Variants in SIPA1L2 observed in about 807,000 individuals in gnomAD.
SIPA1L2 encodes the protein signal-induced proliferation-associated 1-like protein 2.
In SIPA1L2, 56 loss-of-function variants were observed where a neutral mutation model predicts 163.9. The ratio of observed to expected loss-of-function variants is 0.34; its 90% CI spans 0.28 to 0.43. The LOEUF is 0.43. Ranked by LOEUF, SIPA1L2 falls within the 20% of genes least tolerant of loss-of-function variation. The pLI, the probability that SIPA1L2 is intolerant of heterozygous loss-of-function variation, is 1.00. For missense variants in SIPA1L2, 1,974 were observed against 2,193.5 expected (o/e 0.90, Z 2.00); for synonymous variants, 877 against 865.7 (o/e 1.01, Z -0.23).
intron 3 of SIPA1L2, among the ~76,000 whole-genome samples, chr1:232,504,097 G>A: frequency 6.6e-6 from 1 of 152,122 alleles, no homozygotes; most frequent in East Asian, 1.9e-4. Context: ...AGCTACTCAG[G>A]AGGCTGAGGC....
chr1:232,521,172 T>C (rs536528832), intron 2 of SIPA1L2, among the ~76,000 whole-genome samples: 3 of 152,310 alleles, frequency 2.0e-5, no homozygotes, highest in South Asian at 2.1e-4. Context: ...AATTCTCCTC[T>C]TTGGGGTTTT....
rs1446252340 is a variant in SIPA1L2 at position 232,629,893 on chromosome 1, C to A, written c.-343G>T. Among the ~76,000 whole-genome samples, 3 of 151,734 alleles carry A rather than the reference C, an allele frequency of 2.0e-5. No individual in the cohort carries two copies. The highest frequency in any genetic ancestry group is 7.2e-5 in the African/African-American group (3 of 41,414). On this transcript the variant is annotated 5_prime_UTR_variant, in exon 1 of 23. It adds an upstream start codon to the 5' untranslated region. Transcript: ENST00000674635. ...CCTTCGCAACGCCGTCCGCCGGAAC[C>A]TGCTACAGCCTGTGCGCGCCGGGCG...
chr1:232,583,018 C>G lies in SIPA1L2; in HGVS notation c.-318-8796G>C, dbSNP rs370336458. Among the ~76,000 whole-genome samples, 76 of 152,290 alleles carry G rather than the reference C, an allele frequency of 5.0e-4. 1 individual carries two copies. Among genetic ancestry groups the G allele is most frequent in the African/African-American group, 6.3e-4 (26 of 41,572 alleles). On this transcript the variant is annotated intron_variant, in intron 1 of 22. Transcript: ENST00000674635. The stretch of plus-strand genomic sequence containing the variant: ...ACAAAGCGCAAATTTCTAGTCAAGG[C>G]AACCAGGCCACTAGCAATATCTCCT...
chr1:232,466,823 AC>A (rs1319928050), intron 8 of SIPA1L2, among the ~76,000 whole-genome samples: 1 of 152,080 alleles, frequency 6.6e-6, no homozygotes, highest in African/African-American at 2.4e-5. Context: ...AAACAAAAAA[AC>A]AAAGGAAAGA....
At chr1:232,584,190 C>A (rs890235014) in intron 1 of SIPA1L2, among the ~76,000 whole-genome samples, 4 of 152,182 alleles carry the variant, frequency 2.6e-5, no homozygotes, top group African/African-American at 9.7e-5. Flanking sequence ...CTGGGCTTCC[C>A]CATTCAGTCG....
rs768435977 is a variant in SIPA1L2, at chr1:232,465,038, G to A, written c.2622C>T (p.Leu874=). Residue 874 remains leucine (L), a synonymous_variant, in exon 9 of 23, where the codon CTC becomes CTT. Coordinates refer to ENST00000674635, the MANE Select transcript of SIPA1L2 (RefSeq NM_020808.5). This position sits in a 1 kb window ranked among gnomAD's most constrained non-coding sequence, Gnocchi z 4.1. ...FGQSADIECL[L]GISNEFIMLI... ...ACATGATGAACTCATTGGAGATCCCGAGAAGACATTCAATGTCAGCAGACT... is the reference window on the plus strand; with the variant it reads ...ACATGATGAACTCATTGGAGATCCCAAGAAGACATTCAATGTCAGCAGACT... 93 of 1,614,010 alleles carry A rather than the reference G, an allele frequency of 5.8e-5. 1 individual carries two copies. Among genetic ancestry groups the A allele is most frequent in the South Asian group, 4.8e-4 (44 of 91,082 alleles).
chr1:232,605,008 T>C (rs1205998976), intron 1 of SIPA1L2, among the ~76,000 whole-genome samples: 1 of 152,214 alleles, frequency 6.6e-6, no homozygotes, highest in Non-Finnish European at 1.5e-5. Context: ...TATTTCTTTA[T>C]AGCAATGCAA....
intron 19 of SIPA1L2, among the ~76,000 whole-genome samples, chr1:232,411,670 A>G (rs1001799733): frequency 2.6e-5 from 4 of 151,216 alleles, no homozygotes; most frequent in African/African-American, 9.7e-5. Flanking sequence ...TTTTAAGTAC[A>G]GTTAAGTTAG....
Position 232,602,447 on chromosome 1 carries a change from C to A in SIPA1L2, c.-319+27422G>T, listed in dbSNP as rs1232993034. 2.0e-5 allele frequency among the ~76,000 whole-genome samples: 3 copies of A among 152,218 alleles called. No individual in the cohort carries two copies. The East Asian group carries it at 5.8e-4, about 29-fold the overall frequency. On this transcript the variant is annotated intron_variant, in intron 1 of 22. Transcript: ENST00000674635. ...CCCAGGTTCAAGCTATTCTCTGCCTCAGCCTCCAGAGTAGCTGGGATTACA... is the reference window on the plus strand; with the variant it reads ...CCCAGGTTCAAGCTATTCTCTGCCTAAGCCTCCAGAGTAGCTGGGATTACA...
intron 2 of SIPA1L2, among the ~76,000 whole-genome samples, chr1:232,519,701 T>C (rs1667377460): frequency 1.3e-5 from 2 of 152,220 alleles, no homozygotes; most frequent in African/African-American, 2.4e-5. Context: ...CATGGTATTT[T>C]TCCTTAGAAA....
intron 1 of SIPA1L2, among the ~76,000 whole-genome samples, chr1:232,597,523 CAAA>C (rs66718972): frequency 1.6e-5 from 2 of 126,780 alleles, no homozygotes. Context: ...TAAAAAATAC[CAAA>C]AAAAAAAAAA....
In SIPA1L2 at chr1:232,469,412, A is replaced by G. The variant is rs77599338; in HGVS notation, c.2243+1959T>C. On this transcript the variant is annotated intron_variant, in intron 8 of 22. Transcript: ENST00000674635. ...GTTTTTAGAAAATGTGGGCATGCCA[A>G]CCTTATTTCATGAGATAGAGTAAGG... Among the ~76,000 whole-genome samples the G allele has an allele frequency of 4.5e-3, 685 of 152,328 alleles. 8 individuals carry two copies. The highest frequency in any genetic ancestry group is 0.016 in the African/African-American group (655 of 41,574).
At chr1:232,626,295 A>G (rs997903168) in intron 1 of SIPA1L2, among the ~76,000 whole-genome samples, 2 of 150,648 alleles carry the variant, frequency 1.3e-5, no homozygotes, top group South Asian at 2.1e-4. Context: ...ACATGACGAG[A>G]CAATCTTTAA....
rs1298316265 is a variant in SIPA1L2 at position 232,398,305 on chromosome 1, C to T, written c.*822G>A. On this transcript the variant is annotated 3_prime_UTR_variant, in exon 23 of 23. Transcript: ENST00000674635. ...ATCTGGCATTGTACAAGTGGTTCCGCTGGCTCACAGCACACAGGGAAGTTC... is the reference window on the plus strand; with the variant it reads ...ATCTGGCATTGTACAAGTGGTTCCGTTGGCTCACAGCACACAGGGAAGTTC... The T allele has an allele frequency of 1.3e-5, 2 of 152,644 alleles. No individual in the cohort carries two copies. The highest frequency in any genetic ancestry group is 2.9e-5 in the Non-Finnish European group (2 of 68,046). 9.5% of individuals were successfully genotyped at this position (152,644 alleles called of 1,614,324 possible). A position where few individuals can be genotyped will look rare whatever the true frequency, so the allele number is the denominator to read the frequency against.
chr1:232,415,622 T>C lies in SIPA1L2; in HGVS notation c.4634A>G (p.Glu1545Gly). 2 of 1,613,840 alleles carry C rather than the reference T, an allele frequency of 1.2e-6. No individual in the cohort carries two copies. The highest frequency in any genetic ancestry group is 1.7e-6 in the Non-Finnish European group (2 of 1,179,910). ...PAPSMGSLRN[E>G]FWFSDGSLSD... Reference sequence around the variant, plus strand: ...TAAGGACCCATCGGAGAACCAGAACTCATCTAAACAGAAACAAAACCAGAG... The same window carrying C: ...TAAGGACCCATCGGAGAACCAGAACCCATCTAAACAGAAACAAAACCAGAG... Residue 1545 changes from glutamate (E) to glycine (G), a missense_variant, in exon 19 of 23, where the codon GAG becomes GGG. By Grantham distance (98) the Glu-to-Gly change is moderately conservative. This residue lies in a region of SIPA1L2 where 1,079 missense variants were observed against 1,150.7 expected (regional missense o/e 0.94). Transcript: ENST00000674635.
chr1:232,484,044 A>C, intron 5 of SIPA1L2, 78 bp from the exon 6 acceptor site: 1 of 1,373,042 alleles, frequency 7.3e-7, no homozygotes, highest in South Asian at 1.4e-5. Context: ...AAACTACAGA[A>C]GCTGAGAATT....
At chr1:232,572,458 T>G (rs533342217) in intron 2 of SIPA1L2, among the ~76,000 whole-genome samples, 45 of 152,120 alleles carry the variant, frequency 3.0e-4, no homozygotes, top group African/African-American at 1.1e-3. Context: ...TGATTCCCAT[T>G]AGGAGGGAAC....
In SIPA1L2 at chr1:232,441,293, G is replaced by A. The variant is rs1423739873; in HGVS notation, c.3640C>T (p.His1214Tyr). 6.3e-7 allele frequency: 1 copy of A among 1,593,868 alleles called. No individual in the cohort carries two copies. The highest frequency in any genetic ancestry group is 8.5e-7 in the Non-Finnish European group (1 of 1,175,072). Reference protein sequence around the residue: ...SCKDSPNKLSHIGDKSCSSHS... With the variant: ...SCKDSPNKLSYIGDKSCSSHS... ...GGGCTTATGAACAAAGGACTTACGT[G>A]AGAAAGCTTATTGGGGGAATCTTTG... Residue 1214 changes from histidine to tyrosine, a missense_variant and splice_region_variant, in exon 14 of 23, where the codon CAC becomes TAC. Coordinates refer to ENST00000674635, the MANE Select transcript of SIPA1L2 (RefSeq NM_020808.5).
intron 2 of SIPA1L2, among the ~76,000 whole-genome samples, chr1:232,537,488 T>TA (rs537233891): frequency 1.2e-4 from 17 of 147,194 alleles, no homozygotes; most frequent in East Asian, 4.0e-4. Context: ...ATTCAAAAGA[T>TA]AAAAAAAAAA....
Sources: gnomAD v4.1 joint callset for allele counts (sites outside exome capture counted in the v4.1 genomes callset) on GRCh38, gnomAD v4.1.1 for gene constraint, gnomAD v4.1.1 regional missense constraint, Gnocchi (gnomAD v3.1) non-coding constraint, MANE v1.5 for transcripts, NCBI Gene and HGNC (gene_info 2026-07-23, HGNC 2026-07-21) for gene names.